Variants in SV2B observed in about 807,000 individuals in gnomAD.
SV2B encodes the protein solute carrier family 22 member B2.
In SV2B, 41 loss-of-function variants were observed where a neutral mutation model predicts 73.9. The ratio of observed to expected loss-of-function variants is 0.56; its 90% CI spans 0.43 to 0.72. The LOEUF is 0.72. Among genes scored for constraint, SV2B ranks in the 30% least tolerant of loss-of-function variants. The probability of loss-of-function intolerance (pLI) is 0.00; values close to 1 mark genes in which losing one functional copy is unlikely to be tolerated. For missense variants in SV2B, 764 were observed against 857.8 expected (o/e 0.89, Z 1.37); for synonymous variants, 314 against 314.2 (o/e 1.00, Z 0.01).
chr15:91,101,300 G>A (rs2041717338), intron 1 of SV2B, among the ~76,000 whole-genome samples: 3 of 152,154 alleles, frequency 2.0e-5, no homozygotes, highest in South Asian at 4.2e-4. Context: ...GGTGGTTCTG[G>A]TCTATGCTGG....
In SV2B at chr15:91,105,357, C is replaced by A. The variant is rs895991239; in HGVS notation, c.-392+4994C>A. ...GACATGAAGGAAGTGAAGGAGTGAG[C>A]CAGACAGTTATCTGGGGAAAGACAT... On this transcript the variant is annotated intron_variant, in intron 1 of 12. Coordinates refer to ENST00000394232, the MANE Select transcript of SV2B (RefSeq NM_001323032.3). This position sits in a 1 kb window ranked among gnomAD's most constrained non-coding sequence, Gnocchi z 5.5. 6.6e-6 allele frequency among the ~76,000 whole-genome samples: 1 copy of A among 152,124 alleles called. No homozygotes were observed. Among genetic ancestry groups the A allele is most frequent in the South Asian group, 2.1e-4 (1 of 4,812 alleles).
intron 1 of SV2B, among the ~76,000 whole-genome samples, chr15:91,212,283 C>T (rs2045894812): frequency 6.6e-6 from 1 of 152,188 alleles, no homozygotes; most frequent in South Asian, 2.1e-4. Context: ...GGGCTTACCC[C>T]AAATCTATCT....
chr15:91,266,689 G>C lies in SV2B; in HGVS notation c.1116G>C (p.Lys372Asn). The change falls in exon 7 of 13, where the codon AAG becomes AAC. Residue 372 changes from lysine (K) to asparagine (N), a missense_variant. Physicochemically the swap from Lys to Asn is moderately conservative, Grantham distance 94. Coordinates refer to ENST00000394232, the MANE Select transcript of SV2B (RefSeq NM_001323032.3). ...TGGTCAGATTCAAGACCATTTTCAA[G>C]CAGGTATGATTGGGAACTTACTTTG... ...RWLVRFKTIFKQVWDNALYCV... is the reference protein window; with the variant it reads ...RWLVRFKTIFNQVWDNALYCV... 1 of 1,612,870 alleles carries C rather than the reference G, an allele frequency of 6.2e-7. No homozygotes were observed. The highest frequency in any genetic ancestry group is 8.5e-7 in the Non-Finnish European group (1 of 1,179,204).
intron 1 of SV2B, among the ~76,000 whole-genome samples, chr15:91,143,438 C>G (rs2141193776): frequency 6.6e-6 from 1 of 152,240 alleles, no homozygotes; most frequent in South Asian, 2.1e-4. Context: ...GCGGCGGCAG[C>G]ATTTACCCTG....
In SV2B at chr15:91,267,452, T is replaced by C; in HGVS notation, c.1120-103T>C. The C allele has an allele frequency of 9.7e-7, 1 of 1,025,954 alleles. No individual in the cohort carries two copies. The highest frequency in any genetic ancestry group is 1.5e-6 in the Non-Finnish European group (1 of 673,358). 63.6% of individuals were successfully genotyped at this position (1,025,954 alleles called of 1,614,324 possible). A position where few individuals can be genotyped will look rare whatever the true frequency, so the allele number is the denominator to read the frequency against. The stretch of plus-strand genomic sequence containing the variant: ...GTGGGGTACCGGTTCTCTCCATGGG[T>C]TCCTAGGCAACTTATTAGAATATCT... On this transcript the variant is annotated intron_variant, in intron 7 of 12. Transcript: ENST00000394232. The surrounding 1 kb of genome is among the most constrained non-coding windows in gnomAD (Gnocchi z 4.3).
chr15:91,234,997 G>C lies in SV2B; in HGVS notation c.451+8283G>C, dbSNP rs1463959968. 6.6e-6 allele frequency among the ~76,000 whole-genome samples: 1 copy of C among 152,154 alleles called. No individual in the cohort carries two copies. Among genetic ancestry groups the C allele is most frequent in the East Asian group, 1.9e-4 (1 of 5,194 alleles). ...TTAGCTCAGGTCCATCTCACAGCGGGTCCTCAAGCTTGTTCTGTGGTTTTC... is the reference window on the plus strand; with the variant it reads ...TTAGCTCAGGTCCATCTCACAGCGGCTCCTCAAGCTTGTTCTGTGGTTTTC... On this transcript the variant is annotated intron_variant, in intron 2 of 12. Transcript: ENST00000394232. The surrounding 1 kb of genome is among the most constrained non-coding windows in gnomAD (Gnocchi z 5.6).
In SV2B at chr15:91,227,547, G is replaced by A. The variant is rs1314253419; in HGVS notation, c.451+833G>A. ...AAATTAATTGTGCAGCAAACATGTA[G>A]TTATGAGAACTAACTATAAGTCAAA... On this transcript the variant is annotated intron_variant, in intron 2 of 12. Coordinates refer to ENST00000394232, the MANE Select transcript of SV2B (RefSeq NM_001323032.3). The surrounding 1 kb of genome is among the most constrained non-coding windows in gnomAD (Gnocchi z 4.5). Among the ~76,000 whole-genome samples the A allele has an allele frequency of 6.6e-6, 1 of 152,196 alleles. No homozygotes were observed. Among genetic ancestry groups the A allele is most frequent in the African/African-American group, 2.4e-5 (1 of 41,440 alleles).
rs2042943037 is a variant in SV2B, at chr15:91,139,610, G to A, written c.-392+39247G>A. 2.0e-5 allele frequency among the ~76,000 whole-genome samples: 3 copies of A among 152,166 alleles called. No individual in the cohort carries two copies. In the South Asian group the frequency reaches 6.2e-4, roughly 32 times the overall value. On this transcript the variant is annotated intron_variant, in intron 1 of 12. Transcript: ENST00000394232. The surrounding 1 kb of genome is among the most constrained non-coding windows in gnomAD (Gnocchi z 5.2). Reference sequence around the variant, plus strand: ...GCAACCCCAGCTAAGGTGATCCCAGGTCTACAGTGTCCCTGGCTGTCAGAG... The same window carrying A: ...GCAACCCCAGCTAAGGTGATCCCAGATCTACAGTGTCCCTGGCTGTCAGAG...
At position 91,267,448 on chromosome 15, in the gene SV2B, TG is replaced by T; in HGVS notation, c.1120-104del. Reference sequence around the variant, plus strand: ...GACAGTGGGGTACCGGTTCTCTCCATGGGTTCCTAGGCAACTTATTAGAATA... The same window carrying T: ...GACAGTGGGGTACCGGTTCTCTCCATGGTTCCTAGGCAACTTATTAGAATA... On this transcript the variant is annotated intron_variant, in intron 7 of 12. Transcript: ENST00000394232. The surrounding 1 kb of genome is among the most constrained non-coding windows in gnomAD (Gnocchi z 4.3). 1.0e-6 allele frequency: 1 copy of T among 970,724 alleles called. No individual in the cohort carries two copies. Among genetic ancestry groups the T allele is most frequent in the African/African-American group, 1.6e-5 (1 of 62,154 alleles). The allele number at this position is 970,724 out of a possible 1,614,324, so 60.1% of individuals were successfully genotyped here. A position where few individuals can be genotyped will look rare whatever the true frequency, so the allele number is the denominator to read the frequency against.
intron 4 of SV2B, among the ~76,000 whole-genome samples, chr15:91,254,179 C>G (rs2047594800): frequency 6.6e-6 from 1 of 150,490 alleles, no homozygotes; most frequent in African/African-American, 2.4e-5. Flanking sequence ...GATATAATAT[C>G]ATTTTCTCTG....
intron 9 of SV2B, among the ~76,000 whole-genome samples, chr15:91,272,663 A>G (rs1386533997): frequency 6.6e-6 from 1 of 151,992 alleles, no homozygotes. Context: ...AGTTCACAAG[A>G]TTTAGCTCTA....
chr15:91,195,290 T>TG (rs1296532109), intron 1 of SV2B, among the ~76,000 whole-genome samples: 2 of 152,212 alleles, frequency 1.3e-5, no homozygotes, highest in Non-Finnish European at 2.9e-5. Flanking sequence ...CCCGATTATG[T>TG]GGGACCACAG....
intron 1 of SV2B, among the ~76,000 whole-genome samples, chr15:91,146,216 C>T (rs1340638641): frequency 6.6e-6 from 1 of 152,152 alleles, no homozygotes; most frequent in East Asian, 1.9e-4. Context: ...GCCAGTTATC[C>T]CAGCACCATT....
chr15:91,176,998 T>A (rs1290141490), intron 1 of SV2B, among the ~76,000 whole-genome samples: 3 of 151,960 alleles, frequency 2.0e-5, no homozygotes, highest in South Asian at 2.1e-4. Context: ...ATGCCTAGGT[T>A]TTCTTCTAGG....
intron 1 of SV2B, among the ~76,000 whole-genome samples, chr15:91,111,796 A>G (rs1385964257): frequency 6.6e-6 from 1 of 152,168 alleles, no homozygotes; most frequent in African/African-American, 2.4e-5. Flanking sequence ...GAGAGGCCTC[A>G]GGAAGCTTCC....
intron 2 of SV2B, 97 bp from the exon 3 acceptor site, chr15:91,251,722 G>T: frequency 7.4e-7 from 1 of 1,349,128 alleles, no homozygotes; most frequent in South Asian, 1.5e-5. Context: ...AGAAATTCTA[G>T]GATAAATAAA....
intron 1 of SV2B, among the ~76,000 whole-genome samples, chr15:91,195,715 C>T (rs1490348451): frequency 1.3e-5 from 2 of 152,204 alleles, no homozygotes; most frequent in African/African-American, 4.8e-5. Flanking sequence ...CTTAAACCCT[C>T]TAAGTTCCCT....
chr15:91,129,878 C>G lies in SV2B; in HGVS notation c.-392+29515C>G, dbSNP rs187009463. 8.5e-5 allele frequency among the ~76,000 whole-genome samples: 13 copies of G among 152,080 alleles called. No homozygotes were observed. The highest frequency in any genetic ancestry group is 2.9e-4 in the African/African-American group (12 of 41,414). On this transcript the variant is annotated intron_variant, in intron 1 of 12. Transcript: ENST00000394232. The surrounding 1 kb of genome is among the most constrained non-coding windows in gnomAD (Gnocchi z 5.1). ...AAGAGAGACAAGAAGAGTACTCATG[C>G]GGGGATCTCGGGAGGGTTAAGTGAG...
intron 1 of SV2B, among the ~76,000 whole-genome samples, chr15:91,114,380 A>G (rs2042121408): frequency 6.6e-6 from 1 of 152,070 alleles, no homozygotes; most frequent in African/African-American, 2.4e-5. Context: ...GAAACGTCCT[A>G]TCTCTAATGT....
Sources: allele counts gnomAD v4.1 joint callset (sites outside exome capture counted in the v4.1 genomes callset), GRCh38; gene constraint gnomAD v4.1.1; non-coding constraint Gnocchi (gnomAD v3.1); transcripts MANE v1.5; gene names NCBI Gene and HGNC (gene_info 2026-07-23, HGNC 2026-07-21).